MYOM2: variants seen among roughly 807,000 people sequenced by gnomAD.
MYOM2 encodes the protein myomesin-2.
A neutral mutation model predicts 187.6 loss-of-function variants in MYOM2; 254 were observed. The observed-to-expected ratio is 1.35, with a 90% CI of 1.22 to 1.50. The LOEUF (loss-of-function observed/expected upper bound fraction) is 1.50. Among genes scored for constraint, MYOM2 ranks in the 40% most tolerant of loss-of-function variants. The probability of loss-of-function intolerance (pLI) is 0.00; values close to 1 mark genes in which losing one functional copy is unlikely to be tolerated. For synonymous variants in MYOM2, 981 were observed against 753.8 expected (o/e 1.30, Z -4.94); for missense variants, 2,796 against 1,924.0 (o/e 1.45, Z -8.48).
intron 28 of MYOM2, 87 bp from the exon 29 acceptor site, chr8:2,123,165 G>C: frequency 1.2e-6 from 1 of 835,366 alleles, no homozygotes; most frequent in Admixed American, 2.8e-5. Context: ...TGAGGGGGGG[G>C]CTCTGTGATT....
At chr8:2,133,802 C>T (rs956805273) in intron 32 of MYOM2, among the ~76,000 whole-genome samples, 2 of 152,190 alleles carry the variant, frequency 1.3e-5, no homozygotes, top group Admixed American at 1.3e-4. Context: ...GATTTTTACA[C>T]TTGTGTTACT....
intron 6 of MYOM2, among the ~76,000 whole-genome samples, chr8:2,064,414 C>T (rs745336773): frequency 1.3e-5 from 2 of 152,204 alleles, no homozygotes; most frequent in Admixed American, 6.5e-5. Context: ...AGCTCCTTAG[C>T]GGGGCGCCTC....
Position 2,059,195 on chromosome 8 carries a change from A to G in MYOM2, c.603A>G (p.Gly201=). The G allele has an allele frequency of 6.2e-7, 1 of 1,614,190 alleles. No homozygotes were observed. Residue 201 remains glycine, a synonymous_variant, in exon 6 of 37, where the codon GGA becomes GGG. Coordinates refer to ENST00000262113, the MANE Select transcript of MYOM2 (RefSeq NM_003970.4). ...TGATTTGCCAGGCGGCTGAACCGGG[A>G]AAGTACAGGATTGAGAGCAACTATG... The part of the protein sequence containing the change: ...GSLICQAAEP[G]KYRIESNYGV...
At chr8:2,097,120 C>T in intron 18 of MYOM2, 1 of 982,196 alleles carries the variant, frequency 1.0e-6, no homozygotes, top group Non-Finnish European at 1.2e-6. Context: ...TACACTCCAA[C>T]AGGAGGGCTT....
rs186954664 is a variant in MYOM2 at position 2,064,646 on chromosome 8, C to T, written c.654-4632C>T. ...TGATGAGCTAATCAGTGCTAATGCGCGAGGTTGCACTCCCCTGGGATCTTA... is the reference window on the plus strand; with the variant it reads ...TGATGAGCTAATCAGTGCTAATGCGTGAGGTTGCACTCCCCTGGGATCTTA... On this transcript the variant is annotated intron_variant, in intron 6 of 36. Transcript: ENST00000262113. 2.8e-4 allele frequency among the ~76,000 whole-genome samples: 43 copies of T among 152,322 alleles called. No individual in the cohort carries two copies. In the East Asian group the frequency reaches 6.4e-3, roughly 23 times the overall value.
At chr8:2,079,462 A>T in intron 12 of MYOM2, 98 bp from the exon 13 acceptor site, 1 of 1,157,128 alleles carries the variant, frequency 8.6e-7, no homozygotes, top group African/African-American at 1.5e-5. Context: ...TTGTAGTCCT[A>T]ATGCAGAGGA....
At chr8:2,060,409 TTA>T (rs1818814004) in intron 6 of MYOM2, among the ~76,000 whole-genome samples, 1 of 152,168 alleles carries the variant, frequency 6.6e-6, no homozygotes. Flanking sequence ...CATGTTGTGT[TTA>T]TATATGTTTA....
At chr8:2,058,736 C>T (rs1818755168) in intron 5 of MYOM2, among the ~76,000 whole-genome samples, 1 of 152,120 alleles carries the variant, frequency 6.6e-6, no homozygotes, top group Admixed American at 6.5e-5. Flanking sequence ...TGTGGTCCTG[C>T]CTCCTGGATG....
At chr8:2,069,756 A>AT (rs1819151643) in intron 8 of MYOM2, among the ~76,000 whole-genome samples, 1 of 152,168 alleles carries the variant, frequency 6.6e-6, no homozygotes, top group African/African-American at 2.4e-5. Flanking sequence ...CAGTGTTAGC[A>AT]TGCTGACAAT....
intron 28 of MYOM2, among the ~76,000 whole-genome samples, chr8:2,121,170 G>GT (rs1381257574): frequency 6.6e-6 from 1 of 152,176 alleles, no homozygotes; most frequent in African/African-American, 2.4e-5. Flanking sequence ...AGAAAGGTAT[G>GT]TTTCTTCCAA....
intron 31 of MYOM2, among the ~76,000 whole-genome samples, chr8:2,128,670 T>C (rs558123259): frequency 1.3e-5 from 2 of 152,334 alleles, no homozygotes; most frequent in South Asian, 4.1e-4. Context: ...GACCCAAGTT[T>C]CATTTGTCTT....
intron 14 of MYOM2, among the ~76,000 whole-genome samples, chr8:2,089,072 C>T (rs1585885103): frequency 6.6e-6 from 1 of 151,654 alleles, no homozygotes; most frequent in East Asian, 2.0e-4. Context: ...GAGAAAACTC[C>T]TTCAAATATG....
chr8:2,085,577 TGTGATCTCTGCGTGGC>T (rs1819830100), intron 14 of MYOM2, among the ~76,000 whole-genome samples, 187 bp downstream of exon 14: 1 of 8,052 alleles, frequency 1.2e-4, no homozygotes, highest in Non-Finnish European at 1.8e-4. Flanking sequence ...GCCCCACTGT[TGTGATCTCTGCGTGGC>T]CCCACTGTCG....
intron 31 of MYOM2, among the ~76,000 whole-genome samples, chr8:2,125,480 G>T (rs904047165): frequency 2.0e-5 from 3 of 151,788 alleles, no homozygotes; most frequent in Non-Finnish European, 4.4e-5. Context: ...ATGCTGTTTT[G>T]GTTTCTGTAA....
intron 11 of MYOM2, among the ~76,000 whole-genome samples, chr8:2,078,359 C>A: frequency 6.6e-6 from 1 of 152,146 alleles, no homozygotes; most frequent in Admixed American, 6.5e-5. Context: ...CAAGCCGCAG[C>A]TTAGGGGTGC....
intron 32 of MYOM2, among the ~76,000 whole-genome samples, chr8:2,133,878 C>T (rs1026322930): frequency 3.3e-5 from 5 of 151,806 alleles, no homozygotes; most frequent in African/African-American, 1.2e-4. Context: ...AAATCGTTCA[C>T]TGTGAAATAA....
intron 1 of MYOM2, among the ~76,000 whole-genome samples, chr8:2,046,044 G>T (rs999729589): frequency 6.6e-6 from 1 of 152,230 alleles, no homozygotes; most frequent in South Asian, 2.1e-4. Context: ...GCTAAAACTT[G>T]TCTTGGGAGC....
chr8:2,061,453 A>C (rs1818849127), intron 6 of MYOM2, among the ~76,000 whole-genome samples: 1 of 151,094 alleles, frequency 6.6e-6, no homozygotes, highest in Admixed American at 6.6e-5. Flanking sequence ...ATCCTTACCA[A>C]CTCTTCCTCT....
At chr8:2,144,609 A>C in intron 36 of MYOM2, 55 bp from the exon 37 acceptor site, 1 of 1,574,522 alleles carries the variant, frequency 6.4e-7, no homozygotes, top group Non-Finnish European at 8.7e-7. Context: ...CGAGGGGGTG[A>C]CATGACTTTC....
Sources: allele counts gnomAD v4.1 joint callset (sites outside exome capture counted in the v4.1 genomes callset), GRCh38; gene constraint gnomAD v4.1.1; transcripts MANE v1.5; gene names NCBI Gene and HGNC (gene_info 2026-07-23, HGNC 2026-07-21).